Variants in PI4KA observed in about 807,000 individuals in gnomAD.
PI4KA encodes phosphatidylinositol 4-kinase alpha.
A neutral mutation model predicts 271.4 loss-of-function variants in PI4KA; 122 were observed. That is an observed-to-expected ratio of 0.45 (90% confidence interval 0.39 to 0.52). The LOEUF (loss-of-function observed/expected upper bound fraction) is 0.52, where lower values mean the gene tolerates loss of function less well. Ranked by LOEUF, PI4KA falls within the 20% of genes least tolerant of loss-of-function variation. PI4KA has a pLI of 0.00. For synonymous variants in PI4KA, 1,041 were observed against 1,078.8 expected (o/e 0.96, Z 0.69); for missense variants, 1,969 against 2,769.1 (o/e 0.71, Z 6.48).
chr22:20,727,551 A>G, intron 40 of PI4KA, 154 bp from the exon 41 acceptor site: 1 of 744,098 alleles, frequency 1.3e-6, no homozygotes, highest in Non-Finnish European at 2.2e-6. Context: ...ATGGAAAACA[A>G]CGTAACTGCA....
intron 4 of PI4KA, among the ~76,000 whole-genome samples, chr22:20,822,009 G>T (rs1351994882): frequency 6.6e-6 from 1 of 152,166 alleles, no homozygotes; most frequent in Non-Finnish European, 1.5e-5. Flanking sequence ...AATTAGCCAG[G>T]TGTGGTGGTG....
At chr22:20,853,783 T>C (rs2147831347) in intron 1 of PI4KA, among the ~76,000 whole-genome samples, 1 of 151,972 alleles carries the variant, frequency 6.6e-6, no homozygotes, top group East Asian at 1.9e-4. Context: ...GAGAGTAGAA[T>C]GGGATCTTGG....
chr22:20,812,030 A>C (rs896726743), intron 8 of PI4KA, among the ~76,000 whole-genome samples: 1 of 151,716 alleles, frequency 6.6e-6, no homozygotes, highest in Non-Finnish European at 1.5e-5. Context: ...AAAAAAAAAA[A>C]AAGAAAACCT....
chr22:20,784,772 A>G (rs1258509852), intron 19 of PI4KA, among the ~76,000 whole-genome samples: 1 of 152,176 alleles, frequency 6.6e-6, no homozygotes, highest in Non-Finnish European at 1.5e-5. Context: ...GCAGGTGTTA[A>G]GTACTTATTG....
At chr22:20,824,226 A>G in intron 4 of PI4KA, 100 bp downstream of exon 4, 1 of 796,946 alleles carries the variant, frequency 1.3e-6, no homozygotes, top group South Asian at 1.4e-5. Context: ...ATATCAACAA[A>G]CAATTCAATC....
At position 20,764,891 on chromosome 22, in the gene PI4KA, C is replaced by T. The variant is rs781546835; in HGVS notation, c.2634G>A (p.Val878=). The T allele has an allele frequency of 3.7e-6, 6 of 1,613,666 alleles. No homozygotes were observed. The East Asian group carries it at 1.1e-4, about 30-fold the overall frequency. The part of the protein sequence containing the change: ...IINLLDPPPE[V]SALINKLDFA... ...AGTCCAGCTTGTTGATGAGTGCGGA[C>T]ACCTCGGGAGGGGGGTCCAGCAGGT... Residue 878 remains valine (V), a synonymous_variant, in exon 22 of 55, where the codon GTG becomes GTA. Transcript: ENST00000255882.
chr22:20,811,146 A>G, intron 8 of PI4KA, 114 bp from the exon 9 acceptor site: 1 of 770,220 alleles, frequency 1.3e-6, no homozygotes, highest in East Asian at 2.4e-5. Flanking sequence ...TGATGCAGAT[A>G]AAGGCCAATA....
rs1308991511 is a variant in PI4KA at position 20,752,816 on chromosome 22, A to T, written c.2987+87T>A. ...TCTGACTCCATTTTTTCCTAGATTA[A>T]TAATATAAGGATGATTTTTCCCAGC... On this transcript the variant is annotated intron_variant, in intron 25 of 54. Coordinates refer to ENST00000255882, the MANE Select transcript of PI4KA (RefSeq NM_058004.4). 132 of 1,400,726 alleles carry T rather than the reference A, an allele frequency of 9.4e-5. 2 individuals are homozygous for T. In the East Asian group the frequency reaches 1.5e-3, roughly 16 times the overall value. 86.8% of individuals were successfully genotyped at this position (1,400,726 alleles called of 1,614,324 possible). A position where few individuals can be genotyped will look rare whatever the true frequency, so the allele number is the denominator to read the frequency against.
In PI4KA at chr22:20,853,167, A is replaced by G. The variant is rs1368909258; in HGVS notation, c.156+5403T>C. Among the ~76,000 whole-genome samples, 4 of 152,230 alleles carry G rather than the reference A, an allele frequency of 2.6e-5. No homozygotes were observed. The East Asian group carries it at 5.8e-4, about 22-fold the overall frequency. ...ACAAAGAGAACATTTTAGGACATGGAAAAAGGGCTCTGATCAAAGCCTCCT... is the reference window on the plus strand; with the variant it reads ...ACAAAGAGAACATTTTAGGACATGGGAAAAGGGCTCTGATCAAAGCCTCCT... On this transcript the variant is annotated intron_variant, in intron 1 of 54. Transcript: ENST00000255882.
rs1270449922 is a variant in PI4KA at position 20,786,753 on chromosome 22, C to T, written c.2328+6440G>A. 14 of 1,005,386 alleles carry T rather than the reference C, an allele frequency of 1.4e-5. No homozygotes were observed. The East Asian group carries it at 3.5e-4, about 25-fold the overall frequency. The allele number at this position is 1,005,386 out of a possible 1,614,324, so 62.3% of individuals were successfully genotyped here. ...TATTTTCAAGAGTGACTCTGACCAGCTGTGATTTCCACCTTACATGTTGTC... is the reference window on the plus strand; with the variant it reads ...TATTTTCAAGAGTGACTCTGACCAGTTGTGATTTCCACCTTACATGTTGTC... On this transcript the variant is annotated intron_variant, in intron 19 of 54. Coordinates refer to ENST00000255882, the MANE Select transcript of PI4KA (RefSeq NM_058004.4).
chr22:20,834,788 A>G, intron 2 of PI4KA, 133 bp from the exon 3 acceptor site: 1 of 628,088 alleles, frequency 1.6e-6, no homozygotes, highest in Non-Finnish European at 2.8e-6. Context: ...GGGATAATGT[A>G]AAGTGCATGT....
intron 32 of PI4KA, among the ~76,000 whole-genome samples, chr22:20,739,446 C>T (rs939153034): frequency 7.0e-6 from 1 of 143,154 alleles, no homozygotes; most frequent in East Asian, 2.0e-4. Flanking sequence ...TCAGCCTGGG[C>T]AACATAGCAA....
intron 19 of PI4KA, among the ~76,000 whole-genome samples, chr22:20,770,678 A>G (rs1190686037): frequency 6.6e-6 from 1 of 151,306 alleles, no homozygotes; most frequent in Non-Finnish European, 1.5e-5. Context: ...AGGTTCCAAA[A>G]TTTTAAACCT....
intron 32 of PI4KA, among the ~76,000 whole-genome samples, chr22:20,735,100 C>T (rs1195188609): frequency 1.3e-5 from 2 of 151,760 alleles, no homozygotes; most frequent in East Asian, 3.9e-4. Flanking sequence ...TCAGGCTGCT[C>T]CCATGGCCCA....
intron 52 of PI4KA, chr22:20,710,221 T>C (rs575670432): frequency 8.3e-6 from 5 of 598,980 alleles, no homozygotes; most frequent in Non-Finnish European, 1.5e-5. Flanking sequence ...ACAGGCTGAG[T>C]GTCCTGCCCT....
At position 20,799,595 on chromosome 22, in the gene PI4KA, C is replaced by T. The variant is rs12158404; in HGVS notation, c.1820+76G>A. ...GGAGATAAGGACAGAGGCATGCATACGCACAATGCCAGGTGCCCCACACGA... is the reference window on the plus strand; with the variant it reads ...GGAGATAAGGACAGAGGCATGCATATGCACAATGCCAGGTGCCCCACACGA... On this transcript the variant is annotated intron_variant, in intron 15 of 54. Coordinates refer to ENST00000255882, the MANE Select transcript of PI4KA (RefSeq NM_058004.4). The T allele has an allele frequency of 6.6e-3, 6,539 of 987,544 alleles. 261 individuals carry two copies. In the African/African-American group the frequency reaches 0.093, roughly 14 times the overall value. 61.2% of individuals were successfully genotyped at this position (987,544 alleles called of 1,614,324 possible).
chr22:20,811,470 G>A (rs1052162632), intron 8 of PI4KA, among the ~76,000 whole-genome samples: 2 of 152,126 alleles, frequency 1.3e-5, no homozygotes, highest in Admixed American at 1.3e-4. Flanking sequence ...CGGGCCAGGT[G>A]CACTGGCTCT....
chr22:20,793,177 A>G lies in PI4KA; in HGVS notation c.2328+16T>C, dbSNP rs773155456. 13 of 1,442,780 alleles carry G rather than the reference A, an allele frequency of 9.0e-6. No individual in the cohort carries two copies. The highest frequency in any genetic ancestry group is 4.5e-5 in the East Asian group (2 of 44,096). 89.4% of individuals were successfully genotyped at this position (1,442,780 alleles called of 1,614,324 possible). On this transcript the variant is annotated intron_variant, in intron 19 of 54. Coordinates refer to ENST00000255882, the MANE Select transcript of PI4KA (RefSeq NM_058004.4). ...CAGTATCTGCAGTTTTTATCATTCA[A>G]TTAATGAATACTCACCACAGCTATT...
chr22:20,843,612 A>G (rs1278389281), intron 1 of PI4KA, among the ~76,000 whole-genome samples: 1 of 152,184 alleles, frequency 6.6e-6, no homozygotes, highest in African/African-American at 2.4e-5. Flanking sequence ...TCCCAAACAT[A>G]TGAAGAAGTG....
Sources: gnomAD v4.1 joint callset for allele counts (sites outside exome capture counted in the v4.1 genomes callset) on GRCh38, gnomAD v4.1.1 for gene constraint, MANE v1.5 for transcripts, NCBI Gene and HGNC (gene_info 2026-07-23, HGNC 2026-07-21) for gene names.